RNF2: variants seen among roughly 807,000 people sequenced by gnomAD.
The protein encoded by RNF2 is ring finger protein 2.
A neutral mutation model predicts 37.2 loss-of-function variants in RNF2; 6 were observed. That is an observed-to-expected ratio of 0.16 (90% CI 0.09 to 0.32). The LOEUF (loss-of-function observed/expected upper bound fraction) is 0.32, where lower values mean the gene tolerates loss of function less well. Ranked by LOEUF, RNF2 falls within the 10% of genes least tolerant of loss-of-function variation. The pLI, the probability that RNF2 is intolerant of heterozygous loss-of-function variation, is 1.00. For missense variants in RNF2, 251 were observed against 404.0 expected, an observed-to-expected ratio of 0.62 and a Z score of 3.25; for synonymous variants, 133 against 132.7, an observed-to-expected ratio of 1.00 and a Z score of -0.02.
At chr1:185,097,822 A>G (rs548504933) in intron 4 of RNF2, among the ~76,000 whole-genome samples, 1 of 152,372 alleles carries the variant, frequency 6.6e-6, no homozygotes, top group African/African-American at 2.4e-5. Context: ...GGTGTGAACC[A>G]CCGTGCCTGG....
At chr1:185,096,910 G>A (rs1402180974) in intron 4 of RNF2, among the ~76,000 whole-genome samples, 1 of 149,570 alleles carries the variant, frequency 6.7e-6, no homozygotes, top group African/African-American at 2.5e-5. Context: ...TCTTTGTTCT[G>A]GCAGTAAACA....
intron 1 of RNF2, among the ~76,000 whole-genome samples, chr1:185,046,642 T>G (rs1473150827): frequency 2.6e-5 from 4 of 152,182 alleles, no homozygotes; most frequent in Admixed American, 6.5e-5. Flanking sequence ...TTTGAAGATG[T>G]CAGGTTTCTT....
At chr1:185,057,684 A>G (rs1426521884) in intron 1 of RNF2, among the ~76,000 whole-genome samples, 1 of 152,076 alleles carries the variant, frequency 6.6e-6, no homozygotes, top group Non-Finnish European at 1.5e-5. Context: ...AGTGCAGAGC[A>G]TATGTTCTTG....
intron 1 of RNF2, among the ~76,000 whole-genome samples, chr1:185,070,641 T>TC (rs796756256): frequency 2.0e-5 from 3 of 148,152 alleles, no homozygotes; most frequent in African/African-American, 7.4e-5. Flanking sequence ...TTCTTTTCTT[T>TC]TTTTTTTTTT....
chr1:185,091,055 A>G (rs769670085), intron 2 of RNF2, among the ~76,000 whole-genome samples: 11 of 152,206 alleles, frequency 7.2e-5, no homozygotes, highest in Non-Finnish European at 1.2e-4. Flanking sequence ...ATGAAATTCT[A>G]TTAAGCTGTT....
chr1:185,049,684 C>A (rs1261840064), intron 1 of RNF2, among the ~76,000 whole-genome samples: 1 of 147,610 alleles, frequency 6.8e-6, no homozygotes, highest in Admixed American at 6.7e-5. Flanking sequence ...AAAAAAAAAG[C>A]GGGGGAGGGG....
intron 1 of RNF2, among the ~76,000 whole-genome samples, chr1:185,069,965 C>T (rs1210439610): frequency 1.3e-5 from 2 of 152,184 alleles, no homozygotes; most frequent in Admixed American, 6.5e-5. Context: ...TTATGAGGCA[C>T]ATTAACCAAA....
At chr1:185,066,210 C>T (rs1035519849) in intron 1 of RNF2, among the ~76,000 whole-genome samples, 1 of 152,160 alleles carries the variant, frequency 6.6e-6, no homozygotes, top group Admixed American at 6.5e-5. Flanking sequence ...CACTGTGGAT[C>T]TTTCTTGATA....
intron 4 of RNF2, among the ~76,000 whole-genome samples, chr1:185,096,215 A>T (rs542227148): frequency 6.6e-6 from 1 of 152,280 alleles, no homozygotes; most frequent in East Asian, 1.9e-4. Context: ...TTTTTGTCCC[A>T]TTATTTTAGC....
rs3036553 is a variant in RNF2 at position 185,082,345 on chromosome 1, C to CTTTTTTTTTTTTTTTT, written c.-2-5200_-2-5185dup. 1.0e-3 allele frequency among the ~76,000 whole-genome samples: 74 copies of CTTTTTTTTTTTTTTTT among 71,982 alleles called. 11 individuals carry two copies. The highest frequency in any genetic ancestry group is 6.3e-3 in the Middle Eastern group (1 of 160). The allele number at this position is 71,982 out of a possible 152,430, so 47.2% of individuals were successfully genotyped here. On this transcript the variant is annotated intron_variant, in intron 1 of 6. Transcript: ENST00000367510. The stretch of plus-strand genomic sequence containing the variant: ...CAAGGTTCTTGTCTCCTCTGCAGAA[C>CTTTTTTTTTTTTTTTT]TTTTTTTTTTTTTTTTTTTTTTGAA...
chr1:185,070,193 A>G (rs1477967221), intron 1 of RNF2, among the ~76,000 whole-genome samples: 1 of 152,224 alleles, frequency 6.6e-6, no homozygotes, highest in Non-Finnish European at 1.5e-5. Context: ...TGTGCCAGGT[A>G]CTTCATATGA....
intron 1 of RNF2, among the ~76,000 whole-genome samples, chr1:185,059,584 G>A (rs149920581): frequency 3.3e-5 from 5 of 152,298 alleles, no homozygotes; most frequent in African/African-American, 4.8e-5. Context: ...TGTCCTGGTT[G>A]CAGCAGACAT....
rs568543723 is a variant in RNF2 at position 185,101,060 on chromosome 1, G to A, written c.*759G>A. The A allele has an allele frequency of 1.3e-5, 2 of 152,510 alleles. No individual in the cohort carries two copies. The highest frequency in any genetic ancestry group is 3.9e-4 in the East Asian group (2 of 5,176). The allele number at this position is 152,510 out of a possible 1,614,324, so 9.4% of individuals were successfully genotyped here. ...AGTAAAATATAGTCTTCAAGTATAC[G>A]TTTGAGAGTGCTTTTTTTTGTATTA... On this transcript the variant is annotated 3_prime_UTR_variant, in exon 7 of 7. Transcript: ENST00000367510.
At chr1:185,080,349 C>T (rs1651309311) in intron 1 of RNF2, among the ~76,000 whole-genome samples, 1 of 152,170 alleles carries the variant, frequency 6.6e-6, no homozygotes, top group African/African-American at 2.4e-5. Flanking sequence ...TGTAGCTTCT[C>T]ACTAAACAGA....
At chr1:185,074,130 T>C (rs918782617) in intron 1 of RNF2, among the ~76,000 whole-genome samples, 4 of 152,192 alleles carry the variant, frequency 2.6e-5, no homozygotes. Flanking sequence ...ATACAGCATA[T>C]TAAGAGGTAG....
intron 5 of RNF2, among the ~76,000 whole-genome samples, chr1:185,099,311 A>G (rs1571330252): frequency 6.6e-6 from 1 of 152,078 alleles, no homozygotes; most frequent in African/African-American, 2.4e-5. Context: ...GCCTCCCAAA[A>G]TGTTGGGATT....
At chr1:185,053,506 A>G (rs572776790) in intron 1 of RNF2, among the ~76,000 whole-genome samples, 1 of 150,440 alleles carries the variant, frequency 6.6e-6, no homozygotes, top group Non-Finnish European at 1.5e-5. Flanking sequence ...TAATATTCTT[A>G]TTTTCTTTCT....
At chr1:185,066,602 C>T (rs1353386052) in intron 1 of RNF2, among the ~76,000 whole-genome samples, 1 of 152,170 alleles carries the variant, frequency 6.6e-6, no homozygotes, top group African/African-American at 2.4e-5. Flanking sequence ...TAGAGGTTCT[C>T]ATTTTCTATC....
rs1219058634 is a variant in RNF2 at position 185,099,904 on chromosome 1, A to G, written c.851A>G (p.Asp284Gly). 1 of 1,614,130 alleles carries G rather than the reference A, an allele frequency of 6.2e-7. No individual in the cohort carries two copies. Among genetic ancestry groups the G allele is most frequent in the Admixed American group, 1.7e-5 (1 of 60,026 alleles). The change falls in exon 6 of 7, where the codon GAT becomes GGT. Residue 284 changes from aspartate to glycine, a missense_variant. Physicochemically the swap from Asp to Gly is moderately conservative, Grantham distance 94. Coordinates refer to ENST00000367510, the MANE Select transcript of RNF2 (RefSeq NM_007212.4). ...SKGESNQMNL[D>G]TASEKQYTIY... ...GGTGAATCAAACCAGATGAACCTTG[A>G]TACAGCCAGTGAGAAGCAGTATACC...
Sources: gnomAD v4.1 joint callset for allele counts (sites outside exome capture counted in the v4.1 genomes callset) on GRCh38, gnomAD v4.1.1 for gene constraint, MANE v1.5 for transcripts, NCBI Gene and HGNC (gene_info 2026-07-23, HGNC 2026-07-21) for gene names.